Variants in CSMD1 observed in about 807,000 individuals in gnomAD.
The protein encoded by CSMD1 is CUB and Sushi multiple domains 1, also known as CUB and sushi domain-containing protein 1.
CSMD1 carries 213 observed loss-of-function variants against 417.5 expected under a neutral mutation model. The ratio of observed to expected loss-of-function variants is 0.51; its 90% CI spans 0.46 to 0.57. The LOEUF is 0.57. Among genes scored for constraint, CSMD1 ranks in the 20% least tolerant of loss-of-function variants. The probability of loss-of-function intolerance (pLI) is 0.00; values close to 1 mark genes in which losing one functional copy is unlikely to be tolerated. For synonymous variants in CSMD1, 2,862 were observed against 1,736.8 expected (o/e 1.65, Z -16.11); for missense variants, 6,923 against 4,529.7 (o/e 1.53, Z -15.17).
intron 5 of CSMD1, among the ~76,000 whole-genome samples, chr8:3,984,833 G>T (rs973452366): frequency 1.3e-5 from 2 of 149,472 alleles, no homozygotes; most frequent in African/African-American, 4.9e-5. Context: ...GAATGGAAGA[G>T]AAAAAGGAGC....
chr8:4,301,188 G>A (rs369522067), intron 3 of CSMD1, among the ~76,000 whole-genome samples: 31 of 152,240 alleles, frequency 2.0e-4, no homozygotes, highest in African/African-American at 7.5e-4. Context: ...CAGCTCTCCT[G>A]GGTAGTGGTC....
chr8:4,822,124 C>G (rs1009266288), intron 1 of CSMD1, among the ~76,000 whole-genome samples: 1 of 152,092 alleles, frequency 6.6e-6, no homozygotes, highest in African/African-American at 2.4e-5. Flanking sequence ...TCCTATCTTC[C>G]CTTTTTGAAA....
At chr8:4,317,368 T>C (rs1367938342) in intron 3 of CSMD1, among the ~76,000 whole-genome samples, 2 of 152,194 alleles carry the variant, frequency 1.3e-5, no homozygotes, top group Non-Finnish European at 2.9e-5. Context: ...TTATAAGCTG[T>C]GGCTCTTTCA....
intron 12 of CSMD1, among the ~76,000 whole-genome samples, chr8:3,454,281 G>GCCAA (rs1815957123): frequency 1.3e-5 from 2 of 152,176 alleles, no homozygotes; most frequent in Non-Finnish European, 2.9e-5. Context: ...GCCAGTCTGT[G>GCCAA]TCTTTTAATT....
At position 3,506,935 on chromosome 8, in the gene CSMD1, T is replaced by C. The variant is rs191264501; in HGVS notation, c.1345-13209A>G. ...TGGCAACATCACTTAATAAATGTGT[T>C]GATGTTCACACTTAACTAATTTAGG... On this transcript the variant is annotated intron_variant, in intron 10 of 69. Transcript: ENST00000635120. Among the ~76,000 whole-genome samples, 46 of 152,330 alleles carry C rather than the reference T, an allele frequency of 3.0e-4. 1 individual carries two copies. The highest frequency in any genetic ancestry group is 2.4e-3 in the Admixed American group (37 of 15,298).
intron 51 of CSMD1, among the ~76,000 whole-genome samples, chr8:3,023,854 CAAA>C (rs71199524): frequency 7.0e-4 from 76 of 108,232 alleles, no homozygotes; most frequent in Admixed American, 1.2e-3. Context: ...ACTGGGGAGT[CAAA>C]AAAAAAAAAA....
At chr8:4,781,552 A>C (rs955626507) in intron 1 of CSMD1, among the ~76,000 whole-genome samples, 2 of 152,238 alleles carry the variant, frequency 1.3e-5, no homozygotes, top group Admixed American at 6.5e-5. Context: ...ATAGGATAAT[A>C]AAAGTTTCAC....
chr8:4,118,462 A>C (rs1017939844), intron 3 of CSMD1, among the ~76,000 whole-genome samples: 1 of 128,226 alleles, frequency 7.8e-6, no homozygotes, highest in Non-Finnish European at 1.6e-5. Context: ...AAAAGAAGAC[A>C]TTTATGCAGC....
intron 3 of CSMD1, among the ~76,000 whole-genome samples, chr8:4,159,433 T>A (rs915757675): frequency 6.6e-6 from 1 of 152,192 alleles, no homozygotes; most frequent in Non-Finnish European, 1.5e-5. Flanking sequence ...TATTTGCACA[T>A]GAATGTTTAT....
chr8:4,977,408 G>C (rs991382797), intron 1 of CSMD1, among the ~76,000 whole-genome samples: 14 of 152,154 alleles, frequency 9.2e-5, no homozygotes, highest in African/African-American at 3.1e-4. Flanking sequence ...TTTCAGGCTG[G>C]AGGAGACTGT....
chr8:4,226,925 T>C (rs1396603105), intron 3 of CSMD1, among the ~76,000 whole-genome samples: 2 of 152,240 alleles, frequency 1.3e-5, no homozygotes, highest in Non-Finnish European at 2.9e-5. Context: ...TGTCACTTTC[T>C]GTTTTTATTT....
chr8:3,219,351 C>T lies in CSMD1; in HGVS notation c.4576G>A (p.Ala1526Thr), dbSNP rs1224182275. The T allele has an allele frequency of 1.9e-6, 3 of 1,573,482 alleles. No individual in the cohort carries two copies. The highest frequency in any genetic ancestry group is 3.7e-5 in the Admixed American group (2 of 54,062). Residue 1526 changes from alanine to threonine, a missense_variant, in exon 29 of 70, where the codon GCC becomes ACC. Physicochemically the swap from Ala to Thr is moderately conservative, Grantham distance 58. Coordinates refer to ENST00000635120, the MANE Select transcript of CSMD1 (RefSeq NM_033225.6). Reference sequence around the variant, plus strand: ...CCGCTACTCTCTATTCTTTCTGGGGCCTGAGAGCCCTGGTAACTCCCAATG... The same window carrying T: ...CCGCTACTCTCTATTCTTTCTGGGGTCTGAGAGCCCTGGTAACTCCCAATG... The part of the protein sequence containing the change: ...PLIGSYQGSQ[A>T]PERIESSGNS...
intron 4 of CSMD1, among the ~76,000 whole-genome samples, chr8:4,000,006 T>C (rs1013143263): frequency 6.6e-6 from 1 of 152,234 alleles, no homozygotes; most frequent in Non-Finnish European, 1.5e-5. Flanking sequence ...CTTTTAAAAG[T>C]GTAAAACCAA....
At chr8:4,068,666 G>T (rs1022834104) in intron 3 of CSMD1, among the ~76,000 whole-genome samples, 5 of 152,082 alleles carry the variant, frequency 3.3e-5, no homozygotes, top group Non-Finnish European at 7.4e-5. Flanking sequence ...AAAAAAAATG[G>T]AAAAGATAAA....
chr8:4,584,433 T>C (rs1434292580), intron 2 of CSMD1, among the ~76,000 whole-genome samples: 1 of 152,096 alleles, frequency 6.6e-6, no homozygotes, highest in Admixed American at 6.5e-5. Context: ...CGGGCACCTG[T>C]CGGCCAGTTA....
At chr8:4,239,166 G>A (rs1619074) in intron 3 of CSMD1, among the ~76,000 whole-genome samples, 1 of 152,086 alleles carries the variant, frequency 6.6e-6, no homozygotes, top group African/African-American at 2.4e-5. Flanking sequence ...TTCTCCACCA[G>A]AGTTGAATGA....
chr8:3,794,949 G>C (rs942730155), intron 5 of CSMD1, among the ~76,000 whole-genome samples: 33 of 150,710 alleles, frequency 2.2e-4, no homozygotes, highest in African/African-American at 8.0e-4. Context: ...TATAGCTATA[G>C]ATATATATCT....
intron 2 of CSMD1, among the ~76,000 whole-genome samples, chr8:4,431,981 T>A (rs1329378224): frequency 2.0e-5 from 3 of 152,208 alleles, no homozygotes; most frequent in Admixed American, 2.0e-4. Context: ...AACTTACATT[T>A]ATGCACTTCA....
intron 2 of CSMD1, among the ~76,000 whole-genome samples, chr8:4,535,605 C>A (rs1797063853): frequency 6.6e-6 from 1 of 152,136 alleles, no homozygotes; most frequent in Non-Finnish European, 1.5e-5. Context: ...CATCTCTGTT[C>A]TGTGAAATTA....
Sources: gnomAD v4.1 joint callset for allele counts (sites outside exome capture counted in the v4.1 genomes callset) on GRCh38, gnomAD v4.1.1 for gene constraint, MANE v1.5 for transcripts, NCBI Gene and HGNC (gene_info 2026-07-23, HGNC 2026-07-21) for gene names.